GRIK5: variants seen among roughly 807,000 people sequenced by gnomAD.
GRIK5 encodes the protein glutamate ionotropic receptor kainate type subunit 5.
A neutral mutation model predicts 97.4 loss-of-function variants in GRIK5; 43 were observed. That is an observed-to-expected ratio of 0.44 (90% CI 0.35 to 0.57). The LOEUF is 0.57. Among genes scored for constraint, GRIK5 ranks in the 20% least tolerant of loss-of-function variants. GRIK5 has a pLI of 0.01. For missense variants in GRIK5, 1,015 were observed against 1,382.0 expected (o/e 0.73, Z 4.21); for synonymous variants, 580 against 583.5 (o/e 0.99, Z 0.09).
chr19:42,062,972 C>A lies in GRIK5; in HGVS notation c.245-117G>T. 1.4e-6 allele frequency: 1 copy of A among 730,512 alleles called. No homozygotes were observed. The highest frequency in any genetic ancestry group is 1.7e-5 in the African/African-American group (1 of 57,542). 45.3% of individuals were successfully genotyped at this position (730,512 alleles called of 1,614,324 possible). A position where few individuals can be genotyped will look rare whatever the true frequency, so the allele number is the denominator to read the frequency against. On this transcript the variant is annotated intron_variant, in intron 3 of 19. Coordinates refer to ENST00000593562, the MANE Select transcript of GRIK5 (RefSeq NM_002088.5). The surrounding 1 kb of genome is among the most constrained non-coding windows in gnomAD (Gnocchi z 5.3). Reference sequence around the variant, plus strand: ...GATCAGACACTGGCAACTGCCTGATCCTCTTCTGCCATCCGGGACCCAGAA... The same window carrying A: ...GATCAGACACTGGCAACTGCCTGATACTCTTCTGCCATCCGGGACCCAGAA...
intron 11 of GRIK5, among the ~76,000 whole-genome samples, chr19:42,044,422 G>A (rs190220903): frequency 2.0e-5 from 3 of 152,146 alleles, no homozygotes; most frequent in African/African-American, 4.8e-5. Flanking sequence ...CCACATTGAC[G>A]CTTATTTCTG....
In GRIK5 at chr19:42,005,719, G is replaced by A. The variant is rs782290251; in HGVS notation, c.2263+4C>T. On this transcript the variant is annotated splice_donor_region_variant and intron_variant, in intron 17 of 19. Transcript: ENST00000593562. ...GCTGTGTTCCACACCGTGCTGTGCC[G>A]TACCCAGCGGCATGCCAATGCCGTA... The A allele has an allele frequency of 2.0e-5, 32 of 1,600,538 alleles. No homozygotes were observed. Among genetic ancestry groups the A allele is most frequent in the South Asian group, 7.7e-5 (7 of 90,630 alleles).
intron 11 of GRIK5, among the ~76,000 whole-genome samples, chr19:42,045,735 C>T (rs927179502): frequency 5.9e-5 from 9 of 152,244 alleles, no homozygotes; most frequent in East Asian, 1.9e-4. Context: ...CTAATAATAG[C>T]GGCAGCAGCC....
chr19:42,020,326 T>G (rs1410197535), intron 15 of GRIK5, among the ~76,000 whole-genome samples: 1 of 152,186 alleles, frequency 6.6e-6, no homozygotes. Flanking sequence ...TTGAATAAAA[T>G]AGGATGTCCA....
Position 42,002,133 on chromosome 19 carries a change from G to A in GRIK5, c.2514+1199C>T. 1.4e-6 allele frequency: 1 copy of A among 717,424 alleles called. No homozygotes were observed. Among genetic ancestry groups the A allele is most frequent in the South Asian group, 1.5e-5 (1 of 67,580 alleles). The allele number at this position is 717,424 out of a possible 1,614,324, so 44.4% of individuals were successfully genotyped here. On this transcript the variant is annotated intron_variant, in intron 19 of 19. Transcript: ENST00000593562. This position sits in a 1 kb window ranked among gnomAD's most constrained non-coding sequence, Gnocchi z 5.2. ...GGGAATTTCAGACATGGAAGTTGCT[G>A]GTGACAAGAGTGGCTTCAGTGGAGT...
At position 42,067,009 on chromosome 19, in the gene GRIK5, G is replaced by C. The variant is rs1387238441; in HGVS notation, c.-50-1189C>G. On this transcript the variant is annotated intron_variant, in intron 1 of 19. Transcript: ENST00000593562. ...ACAACTCTCCACCCCTAAGGAGTCA[G>C]GGATTCCTCTAGGCACCCCAGCTTT... 2.0e-5 allele frequency among the ~76,000 whole-genome samples: 3 copies of C among 152,308 alleles called. No homozygotes were observed. In the East Asian group the frequency reaches 5.8e-4, roughly 29 times the overall value.
intron 10 of GRIK5, 50 bp from the exon 11 acceptor site, chr19:42,053,759 G>A: frequency 6.5e-7 from 1 of 1,546,580 alleles, no homozygotes. Flanking sequence ...TGAGGTCATG[G>A]CAGCCTCTGG....
chr19:42,062,558 G>C lies in GRIK5; in HGVS notation c.438C>G (p.Ser146Arg). 1 of 1,614,194 alleles carries C rather than the reference G, an allele frequency of 6.2e-7. No homozygotes were observed. The highest frequency in any genetic ancestry group is 8.5e-7 in the Non-Finnish European group (1 of 1,180,006). The change falls in exon 5 of 20, where the codon AGC becomes AGG. Residue 146 changes from serine (S) to arginine (R), a missense_variant. Coordinates refer to ENST00000593562, the MANE Select transcript of GRIK5 (RefSeq NM_002088.5). This position sits in a 1 kb window ranked among gnomAD's most constrained non-coding sequence, Gnocchi z 5.3. ...VSLYPSNEDV[S>R]LAVSRILKSF... Reference sequence around the variant, plus strand: ...ACTTGAGGATTCGGGAGACCGCCAAGCTGACGTCCTCGTTACTGGGGTACA... The same window carrying C: ...ACTTGAGGATTCGGGAGACCGCCAACCTGACGTCCTCGTTACTGGGGTACA...
chr19:42,052,610 G>A (rs1364685137), intron 11 of GRIK5, among the ~76,000 whole-genome samples: 2 of 152,192 alleles, frequency 1.3e-5, no homozygotes, highest in Non-Finnish European at 2.9e-5. Context: ...CATCCACAGC[G>A]AATAGCTGAC....
At chr19:42,058,561 C>T (rs1259303831) in intron 6 of GRIK5, among the ~76,000 whole-genome samples, 1 of 149,460 alleles carries the variant, frequency 6.7e-6, no homozygotes, top group Non-Finnish European at 1.5e-5. Context: ...GGTGTGGTGG[C>T]TCACGCCTGT....
At chr19:42,040,768 C>T (rs556833328) in intron 12 of GRIK5, among the ~76,000 whole-genome samples, 1 of 152,096 alleles carries the variant, frequency 6.6e-6, no homozygotes, top group Admixed American at 6.5e-5. Flanking sequence ...GCAGGAGAAT[C>T]GCTTGAACCC....
At chr19:42,020,306 G>A (rs1285273792) in intron 15 of GRIK5, among the ~76,000 whole-genome samples, 1 of 152,124 alleles carries the variant, frequency 6.6e-6, no homozygotes, top group Non-Finnish European at 1.5e-5. Context: ...ATATCTTTGG[G>A]ACCTATTCTT....
chr19:42,040,937 C>T (rs1008957271), intron 12 of GRIK5, among the ~76,000 whole-genome samples: 2 of 151,884 alleles, frequency 1.3e-5, no homozygotes, highest in African/African-American at 4.8e-5. Flanking sequence ...AAAACTCACC[C>T]TGGGGCAGAA....
At chr19:42,029,013 T>C (rs2075805506) in intron 12 of GRIK5, among the ~76,000 whole-genome samples, 1 of 152,220 alleles carries the variant, frequency 6.6e-6, no homozygotes, top group Non-Finnish European at 1.5e-5. Context: ...GGAGGATTGC[T>C]TGAGCCCAGG....
intron 1 of GRIK5, among the ~76,000 whole-genome samples, chr19:42,068,244 G>A (rs1396358302): frequency 6.6e-6 from 1 of 152,096 alleles, no homozygotes; most frequent in East Asian, 1.9e-4. Context: ...CAGGGACAGG[G>A]CAAGCACCTG....
chr19:42,028,197 G>A (rs1224234058), intron 12 of GRIK5, among the ~76,000 whole-genome samples: 3 of 152,040 alleles, frequency 2.0e-5, no homozygotes, highest in African/African-American at 7.2e-5. Flanking sequence ...CTACCCTGAC[G>A]GGCCCCCTCA....
At chr19:42,053,453 G>T (rs1599832840) in intron 11 of GRIK5, 149 bp downstream of exon 11, 2 of 615,070 alleles carry the variant, frequency 3.3e-6, no homozygotes, top group Non-Finnish European at 5.8e-6. Context: ...GTAGCACCTT[G>T]TTCACAACCT....
chr19:42,065,335 C>T lies in GRIK5; in HGVS notation c.132G>A (p.Leu44=), dbSNP rs369456986. ...TVCGRGERLA[L]ALAREQINGI... ...CGTTGATCTGCTCCCGGGCCAAGGC[C>T]AAGGCCAGACGCTCACCGCGGCCAC... The change falls in exon 3 of 20, where the codon TTG becomes TTA. Residue 44 remains leucine, a synonymous_variant. Coordinates refer to ENST00000593562, the MANE Select transcript of GRIK5 (RefSeq NM_002088.5). This position sits in a 1 kb window ranked among gnomAD's most constrained non-coding sequence, Gnocchi z 5.8. 1 of 1,610,114 alleles carries T rather than the reference C, an allele frequency of 6.2e-7. No homozygotes were observed. The highest frequency in any genetic ancestry group is 1.7e-5 in the Admixed American group (1 of 59,852).
Position 41,998,849 on chromosome 19 carries a change from G to A in GRIK5, c.*22C>T, listed in dbSNP as rs2075401811. 12 of 1,108,856 alleles carry A rather than the reference G, an allele frequency of 1.1e-5. No individual in the cohort carries two copies. The South Asian group carries it at 3.5e-4, about 32-fold the overall frequency. The allele number at this position is 1,108,856 out of a possible 1,614,324, so 68.7% of individuals were successfully genotyped here. A position where few individuals can be genotyped will look rare whatever the true frequency, so the allele number is the denominator to read the frequency against. On this transcript the variant is annotated 3_prime_UTR_variant, in exon 20 of 20. Coordinates refer to ENST00000593562, the MANE Select transcript of GRIK5 (RefSeq NM_002088.5). ...CCCCGTCCCTTCGGTCAGTCCGGGC[G>A]CCCGCACAGCCCCGCCCGTGGTCAC... is the stretch of plus-strand genomic sequence containing the variant.
Sources: gnomAD v4.1 joint callset for allele counts (sites outside exome capture counted in the v4.1 genomes callset) on GRCh38, gnomAD v4.1.1 for gene constraint, Gnocchi (gnomAD v3.1) non-coding constraint, MANE v1.5 for transcripts, NCBI Gene and HGNC (gene_info 2026-07-23, HGNC 2026-07-21) for gene names.